EPHA1: variants seen among roughly 807,000 people sequenced by gnomAD.
EPHA1 encodes the protein EPH receptor A1.
Under a neutral mutation model 110.1 loss-of-function variants are expected in EPHA1, and 92 were observed. The ratio of observed to expected loss-of-function variants is 0.84; its 90% CI spans 0.71 to 0.99. The LOEUF is 0.99. EPHA1 is among the 50% of genes least tolerant of loss of function. The pLI, the probability that EPHA1 is intolerant of heterozygous loss-of-function variation, is 0.00. For missense variants in EPHA1, 1,204 were observed against 1,285.4 expected (o/e 0.94, Z 0.97); for synonymous variants, 500 against 516.1 (o/e 0.97, Z 0.42).
Position 143,399,300 on chromosome 7 carries a change from G to C in EPHA1, c.949C>G (p.His317Asp). ...GGGCCCTCCCCGGGAGCTCTGTAAT[G>C]GCCGCTCTCACAGGTACAGATGGTG... ...GATICTCESG[H>D]YRAPGEGPQV... Residue 317 changes from histidine to aspartate, a missense_variant, in exon 5 of 18, where the codon CAT becomes GAT. By Grantham distance (81) the His-to-Asp change is moderately conservative. Transcript: ENST00000275815. 3 of 1,612,182 alleles carry C rather than the reference G, an allele frequency of 1.9e-6. No individual in the cohort carries two copies. Among genetic ancestry groups the C allele is most frequent in the Non-Finnish European group, 1.7e-6 (2 of 1,179,884 alleles).
rs887782397 is a variant in EPHA1 at position 143,401,805 on chromosome 7, A to T, written c.151-200T>A. Among the ~76,000 whole-genome samples the T allele has an allele frequency of 6.6e-5, 10 of 152,306 alleles. No homozygotes were observed. The highest frequency in any genetic ancestry group is 2.1e-4 in the South Asian group (1 of 4,828). On this transcript the variant is annotated intron_variant, in intron 2 of 17. Coordinates refer to ENST00000275815, the MANE Select transcript of EPHA1 (RefSeq NM_005232.5). This position sits in a 1 kb window ranked among gnomAD's most constrained non-coding sequence, Gnocchi z 4.1. ...TTTGTTTGGATATAAGATGGGCAAG[A>T]CAATAGTCCCTTAACATCCCTAGTT...
chr7:143,394,869 T>A lies in EPHA1; in HGVS notation c.2291A>T (p.Lys764Met), dbSNP rs73726637. 13 of 1,614,026 alleles carry A rather than the reference T, an allele frequency of 8.1e-6. No homozygotes were observed. In the East Asian group the frequency reaches 2.9e-4, roughly 36 times the overall value. ...NILVNQNLCC[K>M]VSDFGLTRLL... ...GCGAGTCAGGCCAAAGTCAGACACCTTGCAGCACAGGTTTTGATTCACCAA... is the reference window on the plus strand; with the variant it reads ...GCGAGTCAGGCCAAAGTCAGACACCATGCAGCACAGGTTTTGATTCACCAA... The change falls in exon 14 of 18, where the codon AAG (lysine) becomes ATG (methionine). Residue 764 changes from lysine to methionine, a missense_variant. Transcript: ENST00000275815.
At position 143,401,427 on chromosome 7, in the gene EPHA1, G is replaced by T; in HGVS notation, c.329C>A (p.Pro110His). 6.2e-7 allele frequency: 1 copy of T among 1,614,116 alleles called. No individual in the cohort carries two copies. The highest frequency in any genetic ancestry group is 2.2e-5 in the East Asian group (1 of 44,876). The change falls in exon 3 of 18, where the codon CCT becomes CAT. Residue 110 changes from proline to histidine, a missense_variant. Physicochemically the swap from Pro to His is moderately conservative, Grantham distance 77. Coordinates refer to ENST00000275815, the MANE Select transcript of EPHA1 (RefSeq NM_005232.5). The surrounding 1 kb of genome is among the most constrained non-coding windows in gnomAD (Gnocchi z 4.1). ...QFTVRDCKSFPGGAGPLGCKE... is the reference protein window; with the variant it reads ...QFTVRDCKSFHGGAGPLGCKE... Reference sequence around the variant, plus strand: ...GCAGCCCAGAGGCCCGGCTCCCCCAGGGAAACTCTTGCAGTCCCGCACGGT... The same window carrying T: ...GCAGCCCAGAGGCCCGGCTCCCCCATGGAAACTCTTGCAGTCCCGCACGGT...
intron 6 of EPHA1, 70 bp downstream of exon 6, chr7:143,398,531 A>G: frequency 6.2e-7 from 1 of 1,608,206 alleles, no homozygotes; most frequent in Non-Finnish European, 8.5e-7. Flanking sequence ...CCTGCCCATC[A>G]GTTTGTTCTG....
Position 143,399,858 on chromosome 7 carries a change from C to T in EPHA1, c.628G>A (p.Gly210Ser), listed in dbSNP as rs201944315. Residue 210 changes from glycine to serine, a missense_variant, in exon 4 of 18, where the codon GGC (glycine) becomes AGC (serine). By Grantham distance (56) the Gly-to-Ser change is moderately conservative. Transcript: ENST00000275815. ...AGAGTGTCTGGGAATTGGGCCAAGCCATTCAGGGTCTCAGGACAGCGCTGG... is the reference window on the plus strand; with the variant it reads ...AGAGTGTCTGGGAATTGGGCCAAGCTATTCAGGGTCTCAGGACAGCGCTGG... ...FYQRCPETLNGLAQFPDTLPG... is the reference protein window; with the variant it reads ...FYQRCPETLNSLAQFPDTLPG... 28 of 1,606,248 alleles carry T rather than the reference C, an allele frequency of 1.7e-5. No individual in the cohort carries two copies. In the Admixed American group the frequency reaches 4.8e-4, roughly 27 times the overall value.
rs938396128 is a variant in EPHA1, at chr7:143,400,106, C to T, written c.433-53G>A. ...AGCAATGGCAAAGTCCTGCTTCTTT[C>T]CCACATAACAGAAACAATCGTTTGC... On this transcript the variant is annotated intron_variant, in intron 3 of 17. Transcript: ENST00000275815. 4.5e-5 allele frequency: 68 copies of T among 1,525,488 alleles called. 3 individuals are homozygous for T. Among genetic ancestry groups the T allele is most frequent in the South Asian group, 1.7e-4 (13 of 77,648 alleles). The allele number at this position is 1,525,488 out of a possible 1,614,324, so 94.5% of individuals were successfully genotyped here.
rs766301333 is a variant in EPHA1 at position 143,394,325 on chromosome 7, G to A, written c.2371C>T (p.Arg791Cys). The change falls in exon 15 of 18, where the codon CGT becomes TGT. Residue 791 changes from arginine (R) to cysteine (C), a missense_variant. Transcript: ENST00000275815. ...GCAATGGCTTCAGGGGCTGTCCAAC[G>A]GATAGGGATCTTTCCTCCCTAAGAA... ...YETQGGKIPI[R>C]WTAPEAIAHR... The A allele has an allele frequency of 1.6e-5, 26 of 1,613,948 alleles. No individual in the cohort carries two copies. Among genetic ancestry groups the A allele is most frequent in the Admixed American group, 1.7e-5 (1 of 60,000 alleles).
At chr7:143,407,484 T>C (rs1321754692) in intron 2 of EPHA1, 127 bp downstream of exon 2, 15 of 758,072 alleles carry the variant, frequency 2.0e-5, no homozygotes, top group Non-Finnish European at 3.2e-5. Context: ...CAGCCTCCTC[T>C]CCCCCTCCCT....
Position 143,391,430 on chromosome 7 carries a change from T to G in EPHA1, c.*27A>C. 1 of 1,613,438 alleles carries G rather than the reference T, an allele frequency of 6.2e-7. No individual in the cohort carries two copies. The highest frequency in any genetic ancestry group is 8.5e-7 in the Non-Finnish European group (1 of 1,179,670). The stretch of plus-strand genomic sequence containing the variant: ...GGCCCCGTCCTTGCTCCTTGCACCC[T>G]GATTGGGCATGGGGTGAGAGGAGGG... On this transcript the variant is annotated 3_prime_UTR_variant, in exon 18 of 18. Coordinates refer to ENST00000275815, the MANE Select transcript of EPHA1 (RefSeq NM_005232.5).
chr7:143,398,113 C>G, intron 7 of EPHA1, 43 bp from the exon 8 acceptor site: 1 of 1,607,872 alleles, frequency 6.2e-7, no homozygotes, highest in Non-Finnish European at 8.5e-7. Flanking sequence ...CTGAGCCAGA[C>G]CCGGGTGGAT....
At chr7:143,397,211 A>G (rs1201623815) in intron 10 of EPHA1, 93 bp downstream of exon 10, 36 of 1,433,740 alleles carry the variant, frequency 2.5e-5, no homozygotes, top group Non-Finnish European at 3.3e-5. Context: ...GTGTCCCTTG[A>G]TCCCTTCCCA....
Position 143,401,119 on chromosome 7 carries a change from C to T in EPHA1, c.432+205G>A, listed in dbSNP as rs922301700. 1.5e-6 allele frequency: 1 copy of T among 661,058 alleles called. No homozygotes were observed. Among genetic ancestry groups the T allele is most frequent in the Non-Finnish European group, 2.5e-6 (1 of 396,024 alleles). The allele number at this position is 661,058 out of a possible 1,614,324, so 40.9% of individuals were successfully genotyped here. On this transcript the variant is annotated intron_variant, in intron 3 of 17. Coordinates refer to ENST00000275815, the MANE Select transcript of EPHA1 (RefSeq NM_005232.5). The surrounding 1 kb of genome is among the most constrained non-coding windows in gnomAD (Gnocchi z 4.1). The stretch of plus-strand genomic sequence containing the variant: ...TGTTGCCCAGGCTGGTCTCAAGCTC[C>T]TGGCCTCAAGTGATCTTCCCACATC...
intron 2 of EPHA1, among the ~76,000 whole-genome samples, chr7:143,407,170 C>T (rs1263815433): frequency 6.6e-6 from 1 of 152,148 alleles, no homozygotes; most frequent in African/African-American, 2.4e-5. Flanking sequence ...AGTACACTTT[C>T]ATGGGGTTTC....
At position 143,393,717 on chromosome 7, in the gene EPHA1, G is replaced by T. The variant is rs891269774; in HGVS notation, c.2650C>A (p.Leu884Ile). Residue 884 changes from leucine (L) to isoleucine (I), a missense_variant, in exon 16 of 18, where the codon CTT becomes ATT. By Grantham distance (5) the Leu-to-Ile change is conservative. Transcript: ENST00000275815. This position sits in a 1 kb window ranked among gnomAD's most constrained non-coding sequence, Gnocchi z 5.6. Reference sequence around the variant, plus strand: ...GTCCGCAGGGAGTGGGGGTTGGCAAGCAGTTGCTCCAGATGTGCCTGAAGC... The same window carrying T: ...GTCCGCAGGGAGTGGGGGTTGGCAATCAGTTGCTCCAGATGTGCCTGAAGC... Reference protein sequence around the residue: ...QKLQAHLEQLLANPHSLRTIA... With the variant: ...QKLQAHLEQLIANPHSLRTIA... The T allele has an allele frequency of 3.1e-6, 5 of 1,613,896 alleles. No homozygotes were observed. Among genetic ancestry groups the T allele is most frequent in the Non-Finnish European group, 4.2e-6 (5 of 1,179,988 alleles).
At chr7:143,392,772 T>A (rs1294909261) in intron 16 of EPHA1, among the ~76,000 whole-genome samples, 1 of 151,992 alleles carries the variant, frequency 6.6e-6, no homozygotes, top group Non-Finnish European at 1.5e-5. Context: ...TGAAACCCCG[T>A]TTCTACTAAA....
chr7:143,403,038 T>C (rs1805462912), intron 2 of EPHA1, among the ~76,000 whole-genome samples: 1 of 152,182 alleles, frequency 6.6e-6, no homozygotes, highest in African/African-American at 2.4e-5. Flanking sequence ...CATACAAGTG[T>C]TATTTTGTAA....
Position 143,394,935 on chromosome 7 carries a change from T to C in EPHA1, c.2225A>G (p.Asn742Ser), listed in dbSNP as rs1805202930. Residue 742 changes from asparagine to serine, a missense_variant, in exon 14 of 18, where the codon AAT (asparagine) becomes AGT (serine). By Grantham distance (46) the Asn-to-Ser change is conservative. Coordinates refer to ENST00000275815, the MANE Select transcript of EPHA1 (RefSeq NM_005232.5). ...CAGGTCCCGGTGGACATAATTGTGATTACTGAGGTAGTTCATGCCAGATGC... is the reference window on the plus strand; with the variant it reads ...CAGGTCCCGGTGGACATAATTGTGACTACTGAGGTAGTTCATGCCAGATGC... ...GIASGMNYLS[N>S]HNYVHRDLAA... 5 of 1,614,148 alleles carry C rather than the reference T, an allele frequency of 3.1e-6. No homozygotes were observed. The highest frequency in any genetic ancestry group is 4.2e-6 in the Non-Finnish European group (5 of 1,180,018).
intron 10 of EPHA1, chr7:143,396,731 G>A (rs2242601): frequency 0.67 from 350,386 of 525,294 alleles, 119,821 homozygotes; most frequent in East Asian, 0.9. Flanking sequence ...CACAAGGTCC[G>A]GGGCGGTGGC....
chr7:143,391,457 T>C lies in EPHA1; in HGVS notation c.2931A>G (p.Ter977TrpextTer64). ...ATTGGGCATGGGGTGAGAGGAGGGA[T>C]CAGTCCTTGAATCCCTGAATACTGC... The part of the protein sequence containing the change: ...ILCSIQGFKD[*>W] Residue 977 changes from the stop codon to tryptophan (W), a stop_lost, in exon 18 of 18, where the codon TGA becomes TGG. Transcript: ENST00000275815. 1.2e-6 allele frequency: 2 copies of C among 1,614,034 alleles called. No individual in the cohort carries two copies. The highest frequency in any genetic ancestry group is 1.7e-6 in the Non-Finnish European group (2 of 1,180,004).
Sources: gnomAD v4.1 joint callset for allele counts (sites outside exome capture counted in the v4.1 genomes callset) on GRCh38, gnomAD v4.1.1 for gene constraint, Gnocchi (gnomAD v3.1) non-coding constraint, MANE v1.5 for transcripts, NCBI Gene and HGNC (gene_info 2026-07-23, HGNC 2026-07-21) for gene names.